AK4: variants seen among roughly 807,000 people sequenced by gnomAD.
AK4 encodes the protein adenylate kinase 4, mitochondrial.
Under a neutral mutation model 24.6 loss-of-function variants are expected in AK4, and 13 were observed. That is an observed-to-expected ratio of 0.53 (90% CI 0.34 to 0.84). The LOEUF is 0.84. Among genes scored for constraint, AK4 ranks in the 40% least tolerant of loss-of-function variants. The pLI is 0.01. For synonymous variants in AK4, 88 were observed against 107.0 expected (o/e 0.82, Z 1.10); for missense variants, 192 against 288.2 (o/e 0.67, Z 2.42).
intron 1 of AK4, among the ~76,000 whole-genome samples, chr1:65,174,604 T>C (rs1304738071): frequency 6.6e-6 from 1 of 152,184 alleles, no homozygotes; most frequent in African/African-American, 2.4e-5. Context: ...CTTGAGGTGT[T>C]CTCAGTTCAC....
Position 65,148,453 on chromosome 1 carries a change from T to G in AK4, c.46T>G (p.Ser16Ala), listed in dbSNP as rs1285510053. 6 of 1,569,648 alleles carry G rather than the reference T, an allele frequency of 3.8e-6. No homozygotes were observed. The highest frequency in any genetic ancestry group is 5.2e-6 in the Non-Finnish European group (6 of 1,158,836). Residue 16 changes from serine to alanine, a missense_variant, in exon 1 of 5, where the codon TCG (serine) becomes GCG (alanine). By Grantham distance (99) the Ser-to-Ala change is moderately conservative. Coordinates refer to ENST00000327299, the MANE Select transcript of AK4 (RefSeq NM_013410.4). Reference protein sequence around the residue: ...LRAVILGPPGSGKGTVCQRIA... With the variant: ...LRAVILGPPGAGKGTVCQRIA... The stretch of plus-strand genomic sequence containing the variant: ...CGCGGTCATCCTCGGGCCGCCCGGC[T>G]CGGGCAAGGGCACCGTGTGCCAGAG...
intron 1 of AK4, among the ~76,000 whole-genome samples, chr1:65,173,939 A>G (rs1318955756): frequency 6.6e-6 from 1 of 151,996 alleles, no homozygotes; most frequent in Non-Finnish European, 1.5e-5. Context: ...GTCTGGCACA[A>G]GGAAGTTGAC....
At chr1:65,190,997 C>G (rs1651287994) in intron 2 of AK4, among the ~76,000 whole-genome samples, 168 bp downstream of exon 2, 1 of 152,226 alleles carries the variant, frequency 6.6e-6, no homozygotes, top group Non-Finnish European at 1.5e-5. Flanking sequence ...GGTGAAGCCT[C>G]TTATTTCTTC....
At chr1:65,205,359 C>G (rs919993861) in intron 2 of AK4, among the ~76,000 whole-genome samples, 1 of 152,172 alleles carries the variant, frequency 6.6e-6, no homozygotes, top group African/African-American at 2.4e-5. Flanking sequence ...CTCAGCCTCC[C>G]AAGTAGCTAG....
intron 2 of AK4, among the ~76,000 whole-genome samples, chr1:65,200,395 G>A (rs1439251759): frequency 2.0e-5 from 3 of 152,120 alleles, no homozygotes; most frequent in African/African-American, 7.2e-5. Flanking sequence ...GATTACAGGC[G>A]TGAGCCACCG....
chr1:65,212,871 C>T (rs1398908395), intron 2 of AK4, among the ~76,000 whole-genome samples: 2 of 152,310 alleles, frequency 1.3e-5, no homozygotes, highest in African/African-American at 4.8e-5. Context: ...ACTTCTCTAT[C>T]CACCTCATAG....
chr1:65,197,007 G>C (rs960202665), intron 2 of AK4, among the ~76,000 whole-genome samples: 5 of 152,076 alleles, frequency 3.3e-5, no homozygotes. Context: ...AAAACTATCA[G>C]ATCTCATGAA....
intron 1 of AK4, among the ~76,000 whole-genome samples, chr1:65,170,178 C>T (rs1328999277): frequency 6.6e-6 from 1 of 152,006 alleles, no homozygotes; most frequent in Non-Finnish European, 1.5e-5. Context: ...AGATTGAGAC[C>T]ACGGTGAAAC....
At chr1:65,211,526 A>G (rs144449762) in intron 2 of AK4, among the ~76,000 whole-genome samples, 1 of 152,332 alleles carries the variant, frequency 6.6e-6, no homozygotes, top group East Asian at 1.9e-4. Context: ...GTAGAGACAA[A>G]TAGCACTTGA....
intron 3 of AK4, among the ~76,000 whole-genome samples, chr1:65,223,287 C>G (rs987515094): frequency 2.0e-5 from 3 of 152,066 alleles, no homozygotes; most frequent in African/African-American, 7.2e-5. Context: ...CCCCTGGGTT[C>G]AAGTGATTCT....
chr1:65,158,060 G>A (rs911566857), intron 1 of AK4, among the ~76,000 whole-genome samples: 6 of 151,964 alleles, frequency 3.9e-5, no homozygotes, highest in East Asian at 3.9e-4. Flanking sequence ...ATTTTAGTCC[G>A]CATCCATCTC....
intron 1 of AK4, among the ~76,000 whole-genome samples, chr1:65,159,882 C>T (rs775215664): frequency 8.6e-5 from 13 of 150,482 alleles, no homozygotes; most frequent in Non-Finnish European, 1.6e-4. Flanking sequence ...GTACAAGAAT[C>T]GCTTGAACCC....
intron 3 of AK4, among the ~76,000 whole-genome samples, chr1:65,220,974 A>G (rs1652278172): frequency 6.6e-6 from 1 of 152,198 alleles, no homozygotes; most frequent in East Asian, 1.9e-4. Context: ...TGATGTGCAG[A>G]GTGGGTAGTT....
At chr1:65,214,090 C>G (rs1158829571) in intron 2 of AK4, among the ~76,000 whole-genome samples, 1 of 151,950 alleles carries the variant, frequency 6.6e-6, no homozygotes, top group Non-Finnish European at 1.5e-5. Context: ...AATGTGCCCT[C>G]ATTTTTGTTG....
At chr1:65,196,655 G>A (rs1010859640) in intron 2 of AK4, among the ~76,000 whole-genome samples, 1 of 152,072 alleles carries the variant, frequency 6.6e-6, no homozygotes, top group Admixed American at 6.5e-5. Context: ...TAGTAGAGAT[G>A]GGGTTGCACC....
At position 65,172,103 on chromosome 1, in the gene AK4, A is replaced by ATATATATT. The variant is rs1553122938; in HGVS notation, c.146-18606_146-18605insATATATTT. Among the ~76,000 whole-genome samples, 352 of 115,452 alleles carry ATATATATT rather than the reference A, an allele frequency of 3.0e-3. 8 individuals are homozygous for ATATATATT. Among genetic ancestry groups the ATATATATT allele is most frequent in the Admixed American group, 0.016 (171 of 11,024 alleles). 75.7% of individuals were successfully genotyped at this position (115,452 alleles called of 152,430 possible). A position where few individuals can be genotyped will look rare whatever the true frequency, so the allele number is the denominator to read the frequency against. On this transcript the variant is annotated intron_variant, in intron 1 of 4. Coordinates refer to ENST00000327299, the MANE Select transcript of AK4 (RefSeq NM_013410.4). Reference sequence around the variant, plus strand: ...TATATATATATATATATATATATATATTTAAACTCATTACACTTCCCAAAT... The same window carrying ATATATATT: ...TATATATATATATATATATATATATATATATATTTTTAAACTCATTACACTTCCCAAAT...
chr1:65,167,607 C>T (rs181395939), intron 1 of AK4, among the ~76,000 whole-genome samples: 18 of 151,918 alleles, frequency 1.2e-4, no homozygotes, highest in Non-Finnish European at 2.1e-4. Context: ...TTCTTAGAGA[C>T]TAAACACTAT....
intron 3 of AK4, among the ~76,000 whole-genome samples, chr1:65,222,257 G>A (rs1302920245): frequency 6.6e-6 from 1 of 152,174 alleles, no homozygotes; most frequent in African/African-American, 2.4e-5. Context: ...CAAAGAGAAG[G>A]GAAGATGGAG....
At chr1:65,154,512 C>G in intron 1 of AK4, 1 of 526,408 alleles carries the variant, frequency 1.9e-6, no homozygotes, top group Non-Finnish European at 3.8e-6. Flanking sequence ...GGAGCCACTG[C>G]TGAAAATTCA....
Sources: gnomAD v4.1 joint callset for allele counts (sites outside exome capture counted in the v4.1 genomes callset) on GRCh38, gnomAD v4.1.1 for gene constraint, MANE v1.5 for transcripts, NCBI Gene and HGNC (gene_info 2026-07-23, HGNC 2026-07-21) for gene names.